The following RNF212B variants were observed in gnomAD, a reference collection of about 807,000 sequenced individuals.
RNF212B encodes ring finger protein 212B.
Under a neutral mutation model 55.5 loss-of-function variants are expected in RNF212B, and 52 were observed. The ratio of observed to expected loss-of-function variants is 0.94; its 90% CI spans 0.75 to 1.18. The LOEUF is 1.18. RNF212B is among the 50% of genes most tolerant of loss of function. RNF212B has a pLI of 0.00. For synonymous variants in RNF212B, 99 were observed against 121.4 expected (o/e 0.82, Z 1.21); for missense variants, 289 against 350.4 (o/e 0.82, Z 1.40).
chr14:23,196,063 C>G (rs1205324996), intron 2 of RNF212B, among the ~76,000 whole-genome samples: 1 of 152,190 alleles, frequency 6.6e-6, no homozygotes, highest in Non-Finnish European at 1.5e-5. Flanking sequence ...TGGATGCTTA[C>G]TACCACTTGG....
intron 2 of RNF212B, among the ~76,000 whole-genome samples, chr14:23,194,927 G>A (rs370655185): frequency 6.6e-6 from 1 of 152,022 alleles, no homozygotes; most frequent in African/African-American, 2.4e-5. Context: ...GATTTACTGG[G>A]TCACAGAGGA....
chr14:23,208,757 GT>G (rs1166613606), intron 2 of RNF212B, among the ~76,000 whole-genome samples: 15 of 98,116 alleles, frequency 1.5e-4, no homozygotes, highest in South Asian at 3.5e-4. Context: ...GCTGGTTGCC[GT>G]TTTTTTTTTT....
chr14:23,203,966 T>G lies in RNF212B; in HGVS notation c.-2+10565T>G, dbSNP rs138713179. On this transcript the variant is annotated intron_variant, in intron 2 of 15. Transcript: ENST00000399910. Reference sequence around the variant, plus strand: ...TGTTGCATTGTGGTTTTGATTTGCATTTCCCTGATCACTAGTGATGCTGAG... The same window carrying G: ...TGTTGCATTGTGGTTTTGATTTGCAGTTCCCTGATCACTAGTGATGCTGAG... Among the ~76,000 whole-genome samples the G allele has an allele frequency of 1.2e-4, 18 of 152,376 alleles. No homozygotes were observed. The East Asian group carries it at 3.1e-3, about 26-fold the overall frequency.
intron 1 of RNF212B, among the ~76,000 whole-genome samples, chr14:23,192,673 C>G (rs957124456): frequency 6.6e-6 from 1 of 151,996 alleles, no homozygotes; most frequent in African/African-American, 2.4e-5. Flanking sequence ...TACCCTAGAA[C>G]TTAAAGTATA....
intron 2 of RNF212B, among the ~76,000 whole-genome samples, chr14:23,229,228 A>ATATATATATG (rs1427401551): frequency 3.5e-4 from 19 of 53,656 alleles, no homozygotes; most frequent in Non-Finnish European, 9.0e-4. Flanking sequence ...TTTTATATAT[A>ATATATATATG]TATATATATA....
upstream of RNF212B, among the ~76,000 whole-genome samples, chr14:23,236,751 CA>C (rs2140428541): frequency 6.6e-6 from 1 of 151,858 alleles, no homozygotes. Context: ...AGCCTGAGAC[CA>C]AAAAGTTTGA....
intron 11 of RNF212B, among the ~76,000 whole-genome samples, chr14:23,268,709 G>A (rs1732917289): frequency 6.6e-6 from 1 of 152,152 alleles, no homozygotes; most frequent in Non-Finnish European, 1.5e-5. Context: ...GGCAGTGAGG[G>A]ATCTCAGCCC....
intron 4 of RNF212B, among the ~76,000 whole-genome samples, chr14:23,249,310 C>T (rs558825404): frequency 3.9e-5 from 6 of 152,240 alleles, no homozygotes; most frequent in South Asian, 4.1e-4. Context: ...ACTTTGGAGG[C>T]CAAGGTGGGA....
chr14:23,193,682 T>A (rs1351540988), intron 2 of RNF212B, among the ~76,000 whole-genome samples: 2 of 151,868 alleles, frequency 1.3e-5, no homozygotes, highest in African/African-American at 4.8e-5. Context: ...TTCAAGGAAT[T>A]GTTTGATTTG....
intron 11 of RNF212B, among the ~76,000 whole-genome samples, chr14:23,267,127 C>A (rs1057165975): frequency 6.6e-6 from 1 of 152,044 alleles, no homozygotes; most frequent in African/African-American, 2.4e-5. Context: ...CACCACCACG[C>A]CTGGCTAGTT....
chr14:23,252,328 T>G (rs1884478661), intron 4 of RNF212B, among the ~76,000 whole-genome samples: 1 of 152,152 alleles, frequency 6.6e-6, no homozygotes, highest in Admixed American at 6.5e-5. Flanking sequence ...CATATATGTA[T>G]TTCTTACACC....
At chr14:23,223,785 G>A (rs908031149) in intron 2 of RNF212B, among the ~76,000 whole-genome samples, 3 of 152,130 alleles carry the variant, frequency 2.0e-5, no homozygotes, top group African/African-American at 7.2e-5. Flanking sequence ...AAATTGGAAA[G>A]GAAAAGGTCA....
chr14:23,271,203 C>T (rs1268907851), intron 14 of RNF212B, among the ~76,000 whole-genome samples: 1 of 152,040 alleles, frequency 6.6e-6, no homozygotes, highest in Admixed American at 6.6e-5. Context: ...CTTTGGGAGG[C>T]CGAGGCAGGT....
rs115075063 is a variant in RNF212B at position 23,203,282 on chromosome 14, C to T, written c.-2+9881C>T. 4.3e-3 allele frequency among the ~76,000 whole-genome samples: 648 copies of T among 152,202 alleles called. 5 individuals carry two copies. Among genetic ancestry groups the T allele is most frequent in the African/African-American group, 0.015 (616 of 41,554 alleles). ...CTACTTCACTTACAATAATAGTCTCCAATCTCATCTACCACAATTTCTTTA... is the reference window on the plus strand; with the variant it reads ...CTACTTCACTTACAATAATAGTCTCTAATCTCATCTACCACAATTTCTTTA... On this transcript the variant is annotated intron_variant, in intron 2 of 15. Coordinates refer to the RNF212B transcript ENST00000399910.
chr14:23,267,071 C>T (rs555964390), intron 11 of RNF212B, among the ~76,000 whole-genome samples: 1 of 152,050 alleles, frequency 6.6e-6, no homozygotes, highest in East Asian at 1.9e-4. Flanking sequence ...CAGGCTTAAG[C>T]GATAGTCCCA....
intron 4 of RNF212B, among the ~76,000 whole-genome samples, chr14:23,253,174 T>G (rs562375914): frequency 6.6e-6 from 1 of 152,340 alleles, no homozygotes; most frequent in African/African-American, 2.4e-5. Flanking sequence ...ACTTTTTTCT[T>G]AAATATAACC....
intron 10 of RNF212B, 21 bp downstream of exon 10, chr14:23,264,255 C>G (rs1336220077): frequency 1.3e-6 from 2 of 1,529,510 alleles, no homozygotes; most frequent in Admixed American, 2.0e-5. Flanking sequence ...TTCACCTTAT[C>G]TTTCCAGATT....
intron 4 of RNF212B, among the ~76,000 whole-genome samples, chr14:23,253,439 A>G (rs548036096): frequency 6.6e-6 from 1 of 152,104 alleles, no homozygotes; most frequent in Admixed American, 6.5e-5. Context: ...TGTTTATTGT[A>G]CCTATGGAGT....
At chr14:23,250,835 C>T (rs1463711247) in intron 4 of RNF212B, among the ~76,000 whole-genome samples, 2 of 152,162 alleles carry the variant, frequency 1.3e-5, no homozygotes, top group Non-Finnish European at 2.9e-5. Context: ...GGTGGGACAG[C>T]TCAAAGTGGG....
Sources: allele counts gnomAD v4.1 joint callset (sites outside exome capture counted in the v4.1 genomes callset), GRCh38; gene constraint gnomAD v4.1.1; transcripts MANE v1.5; gene names NCBI Gene and HGNC (gene_info 2026-07-23, HGNC 2026-07-21).